The following GK5 variants were observed in gnomAD, a reference collection of about 807,000 sequenced individuals.
GK5 encodes glycerol kinase 5.
In GK5, 39 loss-of-function variants were observed where a neutral mutation model predicts 77.3. That is an observed-to-expected ratio of 0.50 (90% confidence interval 0.39 to 0.66). The LOEUF is 0.66. GK5 is among the 30% of genes least tolerant of loss of function. The probability of loss-of-function intolerance (pLI) is 0.00; values close to 1 mark genes in which losing one functional copy is unlikely to be tolerated. For synonymous variants in GK5, 211 were observed against 208.0 expected (o/e 1.01, Z -0.13); for missense variants, 487 against 633.8 (o/e 0.77, Z 2.49).
intron 1 of GK5, among the ~76,000 whole-genome samples, chr3:142,223,576 C>T (rs1025470518): frequency 4.6e-5 from 7 of 152,240 alleles, no homozygotes; most frequent in African/African-American, 7.2e-5. Flanking sequence ...CAGTGGCACA[C>T]GCCTATAATC....
At chr3:142,211,085 C>A (rs1447673740) in intron 3 of GK5, among the ~76,000 whole-genome samples, 1 of 152,124 alleles carries the variant, frequency 6.6e-6, no homozygotes, top group African/African-American at 2.4e-5. Context: ...CCAGAGAACA[C>A]ACCTATTTTT....
Position 142,208,244 on chromosome 3 carries a change from G to A in GK5, c.318-3456C>T, listed in dbSNP as rs141060642. On this transcript the variant is annotated intron_variant, in intron 3 of 15. Coordinates refer to ENST00000392993, the MANE Select transcript of GK5 (RefSeq NM_001039547.3). ...GAGAGTTCCAATAGTTAAGAAAATTGAAAAATTAGTCATCATAAACAAATG... is the reference window on the plus strand; with the variant it reads ...GAGAGTTCCAATAGTTAAGAAAATTAAAAAATTAGTCATCATAAACAAATG... 7.3e-3 allele frequency among the ~76,000 whole-genome samples: 1,117 copies of A among 152,130 alleles called. 11 individuals are homozygous for A. The highest frequency in any genetic ancestry group is 0.026 in the African/African-American group (1,066 of 41,524).
intron 4 of GK5, chr3:142,204,399 G>GT: frequency 2.6e-6 from 1 of 389,352 alleles, no homozygotes; most frequent in African/African-American, 2.1e-5. Context: ...TGAAATTTGG[G>GT]CATTTCATTC....
At chr3:142,198,482 C>T (rs2063968925) in intron 5 of GK5, among the ~76,000 whole-genome samples, 1 of 152,058 alleles carries the variant, frequency 6.6e-6, no homozygotes, top group African/African-American at 2.4e-5. Flanking sequence ...GGCGTGGTGG[C>T]ACGCGCCTGT....
At chr3:142,212,836 T>TTTTTC (rs2064208672) in intron 3 of GK5, among the ~76,000 whole-genome samples, 1 of 148,658 alleles carries the variant, frequency 6.7e-6, no homozygotes, top group African/African-American at 2.5e-5. Context: ...TTTCTTTTTT[T>TTTTTC]TTTCTTTTTT....
At chr3:142,213,711 G>C in intron 2 of GK5, 110 bp from the exon 3 acceptor site, 1 of 645,260 alleles carries the variant, frequency 1.5e-6, no homozygotes, top group Non-Finnish European at 2.7e-6. Context: ...AAAATACCTG[G>C]GTTTAGCATT....
rs2064289846 is a variant in GK5, at chr3:142,217,543, T to TAG, written c.148-1852_148-1851insCT. On this transcript the variant is annotated intron_variant, in intron 1 of 15. Coordinates refer to ENST00000392993, the MANE Select transcript of GK5 (RefSeq NM_001039547.3). ...AGGACATAGCAAAAGGTCTAATATT[T>TAG]GTTTAATCAGGGGTCTCCAAAGAAG... Among the ~76,000 whole-genome samples the TAG allele has an allele frequency of 2.6e-5, 4 of 152,062 alleles. 1 individual carries two copies. The South Asian group carries it at 8.3e-4, about 32-fold the overall frequency.
At chr3:142,191,342 T>G (rs2063847456) in intron 5 of GK5, among the ~76,000 whole-genome samples, 1 of 151,668 alleles carries the variant, frequency 6.6e-6, no homozygotes, top group Non-Finnish European at 1.5e-5. Flanking sequence ...GTATAATAAT[T>G]TAAAGGACTA....
intron 3 of GK5, among the ~76,000 whole-genome samples, chr3:142,209,434 A>C (rs2064161663): frequency 6.6e-6 from 1 of 152,210 alleles, no homozygotes; most frequent in African/African-American, 2.4e-5. Context: ...ATAACATAGA[A>C]CAAGACAATC....
At position 142,158,995 on chromosome 3, in the gene GK5, C is replaced by T. The variant is rs2063403239; in HGVS notation, c.*6627G>A. The T allele has an allele frequency of 6.6e-6, 1 of 152,162 alleles. No homozygotes were observed. The highest frequency in any genetic ancestry group is 2.4e-5 in the African/African-American group (1 of 41,436). The allele number at this position is 152,162 out of a possible 1,614,324, so 9.4% of individuals were successfully genotyped here. A position where few individuals can be genotyped will look rare whatever the true frequency, so the allele number is the denominator to read the frequency against. On this transcript the variant is annotated 3_prime_UTR_variant, in exon 16 of 16. Transcript: ENST00000392993. ...GCCTGGAAAGATTTAAAAAATCCCA[C>T]ATAATCACATAAACCACTGGACTGA...
At position 142,161,275 on chromosome 3, in the gene GK5, G is replaced by A. The variant is rs1239394090; in HGVS notation, c.*4347C>T. On this transcript the variant is annotated 3_prime_UTR_variant, in exon 16 of 16. Coordinates refer to ENST00000392993, the MANE Select transcript of GK5 (RefSeq NM_001039547.3). The stretch of plus-strand genomic sequence containing the variant: ...GCCACAACGCACAGCTAATTTTTTT[G>A]TAGTTTTAATAGAGATGGGGTTTCT... 1.3e-5 allele frequency: 2 copies of A among 151,960 alleles called. No homozygotes were observed. The highest frequency in any genetic ancestry group is 6.6e-5 in the Admixed American group (1 of 15,244). The allele number at this position is 151,960 out of a possible 1,614,324, so 9.4% of individuals were successfully genotyped here.
intron 15 of GK5, among the ~76,000 whole-genome samples, chr3:142,166,418 T>C (rs1036438324): frequency 1.3e-5 from 2 of 152,252 alleles, no homozygotes; most frequent in African/African-American, 4.8e-5. Context: ...TAATAGTTTC[T>C]CTTTCAAACT....
chr3:142,185,614 C>A, intron 9 of GK5: 2 of 1,129,482 alleles, frequency 1.8e-6, no homozygotes, highest in Non-Finnish European at 2.2e-6. Context: ...CTCAGAGTAC[C>A]AAATGTAAAC....
intron 11 of GK5, 40 bp from the exon 12 acceptor site, chr3:142,177,616 A>C: frequency 3.3e-6 from 4 of 1,217,342 alleles, no homozygotes; most frequent in South Asian, 1.3e-5. Context: ...CTAAAACAAA[A>C]TGAAGAGGTT....
At chr3:142,201,101 T>C (rs2064014616) in intron 4 of GK5, among the ~76,000 whole-genome samples, 1 of 152,174 alleles carries the variant, frequency 6.6e-6, no homozygotes, top group African/African-American at 2.4e-5. Context: ...AAAGAAAACA[T>C]GCAATTACCA....
rs1052550999 is a variant in GK5 at position 142,161,590 on chromosome 3, T to C, written c.*4032A>G. The stretch of plus-strand genomic sequence containing the variant: ...CAGGGAGCTTCCAGTCTGGTAGAGA[T>C]TTACACAGAAGGCAGATTAAAGAGA... On this transcript the variant is annotated 3_prime_UTR_variant, in exon 16 of 16. Transcript: ENST00000392993. 6.6e-6 allele frequency: 1 copy of C among 152,052 alleles called. No individual in the cohort carries two copies. Among genetic ancestry groups the C allele is most frequent in the Non-Finnish European group, 1.5e-5 (1 of 68,020 alleles). The allele number at this position is 152,052 out of a possible 1,614,324, so 9.4% of individuals were successfully genotyped here.
intron 5 of GK5, among the ~76,000 whole-genome samples, chr3:142,196,763 C>T (rs2063939673): frequency 6.6e-6 from 1 of 152,136 alleles, no homozygotes. Context: ...ATTCCATGTA[C>T]ACTTCAAGAG....
intron 4 of GK5, among the ~76,000 whole-genome samples, chr3:142,199,878 T>C (rs1340652204): frequency 2.6e-5 from 4 of 152,084 alleles, no homozygotes; most frequent in African/African-American, 9.7e-5. Context: ...CCACTTCTTG[T>C]TGAACTTACC....
At chr3:142,199,759 A>C (rs2063989484) in intron 4 of GK5, among the ~76,000 whole-genome samples, 1 of 151,276 alleles carries the variant, frequency 6.6e-6, no homozygotes. Context: ...GGTCTTTAAG[A>C]CATACTAGGA....
Sources: allele counts gnomAD v4.1 joint callset (sites outside exome capture counted in the v4.1 genomes callset), GRCh38; gene constraint gnomAD v4.1.1; transcripts MANE v1.5; gene names NCBI Gene and HGNC (gene_info 2026-07-23, HGNC 2026-07-21).